Variants in PSMF1 observed in about 807,000 individuals in gnomAD.
PSMF1 encodes the protein proteasome inhibitor PI31 subunit.
In PSMF1, 30 loss-of-function variants were observed where a neutral mutation model predicts 29.3. The observed-to-expected ratio is 1.02, with a 90% confidence interval of 0.77 to 1.39. The LOEUF (loss-of-function observed/expected upper bound fraction) is 1.39. Ranked by LOEUF, PSMF1 falls within the 40% of genes most tolerant of loss-of-function variation. The pLI, the probability that PSMF1 is intolerant of heterozygous loss-of-function variation, is 0.00. For missense variants in PSMF1, 344 were observed against 357.5 expected (o/e 0.96, Z 0.31); for synonymous variants, 134 against 139.7 (o/e 0.96, Z 0.29).
intron 4 of PSMF1, among the ~76,000 whole-genome samples, chr20:1,135,864 C>A (rs2086299360): frequency 6.6e-6 from 1 of 152,148 alleles, no homozygotes; most frequent in Non-Finnish European, 1.5e-5. Flanking sequence ...AGCATTAGGA[C>A]TGGAGACTTC....
intron 4 of PSMF1, among the ~76,000 whole-genome samples, chr20:1,151,666 C>T (rs2122570565): frequency 6.6e-6 from 1 of 152,246 alleles, no homozygotes; most frequent in South Asian, 2.1e-4. Flanking sequence ...GGCTAATTGC[C>T]CTTTTCATTC....
chr20:1,131,744 C>A (rs1311728656), intron 3 of PSMF1, among the ~76,000 whole-genome samples: 1 of 152,152 alleles, frequency 6.6e-6, no homozygotes, highest in East Asian at 1.9e-4. Context: ...TCTGCTGTAC[C>A]CTTTCTGTGT....
Position 1,161,110 on chromosome 20 carries a change from G to C in PSMF1, c.552-2020G>C, listed in dbSNP as rs979936243. ...CCCTCCCCACGCCATCCTGCGTCTG[G>C]ACCTGGCTGGCCAGGACCTGACCAC... is the stretch of plus-strand genomic sequence containing the variant. On this transcript the variant is annotated intron_variant, in intron 4 of 6. Transcript: ENST00000335877. The C allele has an allele frequency of 4.1e-5, 19 of 462,158 alleles. No individual in the cohort carries two copies. The Admixed American group carries it at 6.4e-4, about 15-fold the overall frequency. The allele number at this position is 462,158 out of a possible 1,614,324, so 28.6% of individuals were successfully genotyped here.
rs1600183180 is a variant in PSMF1, at chr20:1,171,015, A to G, written c.*5935A>G. On this transcript the variant is annotated 3_prime_UTR_variant, in exon 7 of 7. Transcript: ENST00000335877. ...CCCAGGTCAGTGCTCTTTTCAGTAG[A>G]ACTGCTGTACCCAGACCTCACATCC... is the stretch of plus-strand genomic sequence containing the variant. Among the ~76,000 whole-genome samples the G allele has an allele frequency of 6.6e-6, 1 of 152,188 alleles. No individual in the cohort carries two copies. The highest frequency in any genetic ancestry group is 2.4e-5 in the African/African-American group (1 of 41,510).
chr20:1,128,651 T>A (rs2086191012), intron 3 of PSMF1, among the ~76,000 whole-genome samples: 2 of 152,232 alleles, frequency 1.3e-5, no homozygotes, highest in African/African-American at 2.4e-5. Flanking sequence ...TATATATAGT[T>A]AAGCTGATTT....
intron 4 of PSMF1, among the ~76,000 whole-genome samples, chr20:1,137,552 A>G (rs2086322831): frequency 6.6e-6 from 1 of 152,236 alleles, no homozygotes; most frequent in Non-Finnish European, 1.5e-5. Flanking sequence ...ACAACATCCA[A>G]AATTGGAATA....
rs541753299 is a variant in PSMF1 at position 1,163,269 on chromosome 20, G to C, written c.605+86G>C. ...CTCATCTTCTAATTTTAGAGTTTTCGGTCAGTCTCTTCCTTTGGGGTGGAG... is the reference window on the plus strand; with the variant it reads ...CTCATCTTCTAATTTTAGAGTTTTCCGTCAGTCTCTTCCTTTGGGGTGGAG... On this transcript the variant is annotated intron_variant, in intron 5 of 6. Coordinates refer to ENST00000335877, the MANE Select transcript of PSMF1 (RefSeq NM_006814.5). This position sits in a 1 kb window ranked among gnomAD's most constrained non-coding sequence, Gnocchi z 6.1. The C allele has an allele frequency of 6.8e-7, 1 of 1,465,588 alleles. No individual in the cohort carries two copies. Among genetic ancestry groups the C allele is most frequent in the Admixed American group, 1.8e-5 (1 of 54,768 alleles). 90.8% of individuals were successfully genotyped at this position (1,465,588 alleles called of 1,614,324 possible).
chr20:1,153,139 A>G (rs1219046975), intron 4 of PSMF1, among the ~76,000 whole-genome samples: 1 of 152,216 alleles, frequency 6.6e-6, no homozygotes, highest in Non-Finnish European at 1.5e-5. Context: ...CATTGTCTTC[A>G]TAACATCTGT....
At position 1,163,185 on chromosome 20, in the gene PSMF1, TGAGTACTGC is replaced by T; in HGVS notation, c.605+3_605+11del. On this transcript the variant is annotated splice_donor_5th_base_variant and intron_variant, in intron 5 of 6. Coordinates refer to ENST00000335877, the MANE Select transcript of PSMF1 (RefSeq NM_006814.5). The surrounding 1 kb of genome is among the most constrained non-coding windows in gnomAD (Gnocchi z 6.1). The stretch of plus-strand genomic sequence containing the variant: ...GGGAGAAGACTTAGACCCTTTTGGG[TGAGTACTGC>T]TGGGGAGGTGGCAGCAACACAACTT... 1 of 1,614,048 alleles carries T rather than the reference TGAGTACTGC, an allele frequency of 6.2e-7. No homozygotes were observed.
chr20:1,152,131 G>A (rs1031403803), intron 4 of PSMF1, among the ~76,000 whole-genome samples: 5 of 152,126 alleles, frequency 3.3e-5, no homozygotes, highest in Non-Finnish European at 5.9e-5. Context: ...TGTTAACATG[G>A]TTAATATTTA....
intron 4 of PSMF1, among the ~76,000 whole-genome samples, chr20:1,158,773 A>G (rs756559715): frequency 2.6e-5 from 4 of 152,186 alleles, no homozygotes; most frequent in Non-Finnish European, 4.4e-5. Flanking sequence ...TTCAGAGGCC[A>G]TGTACGAAAA....
At chr20:1,150,248 A>G (rs544216456) in intron 4 of PSMF1, among the ~76,000 whole-genome samples, 23 of 152,316 alleles carry the variant, frequency 1.5e-4, no homozygotes, top group African/African-American at 5.3e-4. Flanking sequence ...GACATATTCA[A>G]AGATTGAAAT....
chr20:1,130,884 T>A (rs2086219985), intron 3 of PSMF1, among the ~76,000 whole-genome samples: 1 of 152,252 alleles, frequency 6.6e-6, no homozygotes, highest in Admixed American at 6.5e-5. Context: ...AAGCATTTAA[T>A]CCATCAGATA....
Position 1,166,342 on chromosome 20 carries a change from C to A in PSMF1, c.*1262C>A. 2 of 1,341,768 alleles carry A rather than the reference C, an allele frequency of 1.5e-6. No individual in the cohort carries two copies. Among genetic ancestry groups the A allele is most frequent in the Non-Finnish European group, 2.1e-6 (2 of 947,928 alleles). The allele number at this position is 1,341,768 out of a possible 1,614,324, so 83.1% of individuals were successfully genotyped here. A position where few individuals can be genotyped will look rare whatever the true frequency, so the allele number is the denominator to read the frequency against. On this transcript the variant is annotated 3_prime_UTR_variant, in exon 7 of 7. Transcript: ENST00000335877. ...GGCGGTAGTCACTTCCGCTCTGCAG[C>A]TAGCATTTCAACCATATGTGGATCC...
chr20:1,116,966 T>C (rs4813030), upstream of PSMF1, among the ~76,000 whole-genome samples: 112,015 of 151,998 alleles, frequency 0.74, 42,889 homozygotes, highest in East Asian at 0.94. Flanking sequence ...ACAGAACACA[T>C]GAAACAGGGA....
At chr20:1,136,928 C>G (rs1677898473) in intron 4 of PSMF1, among the ~76,000 whole-genome samples, 1 of 152,118 alleles carries the variant, frequency 6.6e-6, no homozygotes, top group South Asian at 2.1e-4. Context: ...GAAAAAAATA[C>G]TTAGTGTTCA....
In PSMF1 at chr20:1,136,345, G is replaced by A. The variant is rs149918916; in HGVS notation, c.551+1039G>A. On this transcript the variant is annotated intron_variant, in intron 4 of 6. Transcript: ENST00000335877. Reference sequence around the variant, plus strand: ...TTACTCCCTGCACAGTGCTCTGGCTGTGATGTAAACAGATGTGATCTAACC... The same window carrying A: ...TTACTCCCTGCACAGTGCTCTGGCTATGATGTAAACAGATGTGATCTAACC... Among the ~76,000 whole-genome samples, 753 of 152,336 alleles carry A rather than the reference G, an allele frequency of 4.9e-3. 2 individuals are homozygous for A. The highest frequency in any genetic ancestry group is 8.1e-3 in the Non-Finnish European group (550 of 68,032).
At chr20:1,141,639 C>G (rs1357844186) in intron 4 of PSMF1, among the ~76,000 whole-genome samples, 4 of 152,078 alleles carry the variant, frequency 2.6e-5, no homozygotes, top group Non-Finnish European at 5.9e-5. Context: ...CCGCTCTGAC[C>G]ACTCTTATTC....
chr20:1,127,322 A>G (rs772294095), intron 2 of PSMF1, 104 bp from the exon 3 acceptor site: 14 of 870,088 alleles, frequency 1.6e-5, no homozygotes, highest in Admixed American at 1.0e-4. Context: ...CTGTGGACAT[A>G]TGTGAATATT....
Sources: allele counts gnomAD v4.1 joint callset (sites outside exome capture counted in the v4.1 genomes callset), GRCh38; gene constraint gnomAD v4.1.1; non-coding constraint Gnocchi (gnomAD v3.1); transcripts MANE v1.5; gene names NCBI Gene and HGNC (gene_info 2026-07-23, HGNC 2026-07-21).